Variants in LAMB4 observed in about 807,000 individuals in gnomAD.
LAMB4 encodes the protein laminin subunit beta 4.
In LAMB4, 196 loss-of-function variants were observed where a neutral mutation model predicts 199.2. The ratio of observed to expected loss-of-function variants is 0.98; its 90% CI spans 0.88 to 1.11. LAMB4 has a LOEUF of 1.11. Among genes scored for constraint, LAMB4 ranks in the 50% least tolerant of loss-of-function variants. The pLI, the probability that LAMB4 is intolerant of heterozygous loss-of-function variation, is 0.00. For synonymous variants in LAMB4, 744 were observed against 770.6 expected, an observed-to-expected ratio of 0.97 and a Z score of 0.57; for missense variants, 2,080 against 2,171.2, an observed-to-expected ratio of 0.96 and a Z score of 0.83.
intron 11 of LAMB4, among the ~76,000 whole-genome samples, chr7:108,097,593 G>C (rs2037658963): frequency 6.6e-6 from 1 of 152,206 alleles, no homozygotes; most frequent in Non-Finnish European, 1.5e-5. Context: ...AGACCATCTT[G>C]GCTAACACGG....
downstream of LAMB4, among the ~76,000 whole-genome samples, chr7:108,022,741 C>T: frequency 6.6e-6 from 1 of 152,068 alleles, no homozygotes; most frequent in East Asian, 1.9e-4. Context: ...CTGTAACAGC[C>T]TACATTTTAA....
At chr7:108,012,896 G>C in the LAMB4 span, among the ~76,000 whole-genome samples, 1 of 152,160 alleles carries the variant, frequency 6.6e-6, no homozygotes, top group Non-Finnish European at 1.5e-5. Context: ...TGCCAAGCCA[G>C]TGTTTATGGA....
intron 30 of LAMB4, among the ~76,000 whole-genome samples, chr7:108,036,817 A>G (rs1329521166): frequency 6.6e-6 from 1 of 151,276 alleles, no homozygotes; most frequent in Non-Finnish European, 1.5e-5. Flanking sequence ...GTACTCCTGG[A>G]GCTCTAGTGT....
intron 21 of LAMB4, among the ~76,000 whole-genome samples, chr7:108,065,009 G>A (rs1390284644): frequency 6.6e-5 from 10 of 151,288 alleles, no homozygotes; most frequent in Middle Eastern, 3.4e-3. Context: ...GGGCTCAAGC[G>A]ATCCTCTTGC....
chr7:108,059,613 G>T (rs1008572981), intron 23 of LAMB4, among the ~76,000 whole-genome samples: 56 of 152,192 alleles, frequency 3.7e-4, no homozygotes, highest in African/African-American at 1.4e-3. Context: ...CAGTAGAACA[G>T]ATAATGGGAC....
At chr7:108,104,374 A>G (rs1679425579) in intron 9 of LAMB4, 125 bp downstream of exon 9, 6 of 1,080,690 alleles carry the variant, frequency 5.6e-6, no homozygotes, top group East Asian at 2.5e-5. Context: ...ATATCACACT[A>G]TAGGAGCTGG....
intron 25 of LAMB4, 29 bp downstream of exon 25, chr7:108,055,603 G>T: frequency 6.3e-7 from 1 of 1,585,682 alleles, no homozygotes. Flanking sequence ...CAGGAGTTTG[G>T]CTGTCTGTTA....
chr7:108,029,886 G>A (rs943544492), intron 32 of LAMB4, among the ~76,000 whole-genome samples: 1 of 152,098 alleles, frequency 6.6e-6, no homozygotes, highest in Non-Finnish European at 1.5e-5. Flanking sequence ...TTAGGAGGCC[G>A]AGGCAGGCGG....
At chr7:108,109,593 A>G (rs914680843) in intron 4 of LAMB4, among the ~76,000 whole-genome samples, 17 of 152,222 alleles carry the variant, frequency 1.1e-4, no homozygotes, top group Non-Finnish European at 1.5e-5. Context: ...TTGACTACAC[A>G]TAAACATGAG....
chr7:108,030,337 C>A (rs2034986142), intron 32 of LAMB4, among the ~76,000 whole-genome samples: 1 of 152,150 alleles, frequency 6.6e-6, no homozygotes. Flanking sequence ...TTTCAGCAAC[C>A]TAAATTAATG....
chr7:108,088,490 T>C (rs753489106), intron 14 of LAMB4, among the ~76,000 whole-genome samples: 3 of 152,192 alleles, frequency 2.0e-5, no homozygotes, highest in Non-Finnish European at 2.9e-5. Flanking sequence ...AATGACAGTT[T>C]AAGTACCCAT....
downstream of LAMB4, among the ~76,000 whole-genome samples, chr7:108,019,788 C>T (rs2034651656): frequency 2.0e-5 from 3 of 152,158 alleles, no homozygotes; most frequent in Admixed American, 2.0e-4. Context: ...TCATGAGGCT[C>T]ATGTGTTCTT....
chr7:108,074,833 A>G (rs979059927), intron 17 of LAMB4, among the ~76,000 whole-genome samples: 2 of 152,194 alleles, frequency 1.3e-5, no homozygotes, highest in African/African-American at 4.8e-5. Flanking sequence ...TTCCTGGCCC[A>G]TATATACTCA....
At position 108,055,992 on chromosome 7, in the gene LAMB4, C is replaced by T; in HGVS notation, c.3395G>A (p.Arg1132Lys). The stretch of plus-strand genomic sequence containing the variant: ...ACAGATGGGCTTCTGGGTACCTGCC[C>T]TGTTACAATCACATGCTAAAAAGGA... The part of the protein sequence containing the change: ...PGRCIPCDCN[R>K]AGTQKPICDP... Residue 1132 changes from arginine (R) to lysine (K), a missense_variant, in exon 25 of 34, where the codon AGG becomes AAG. Arg to Lys is a conservative substitution (Grantham distance 26). Transcript: ENST00000388781. 1.2e-6 allele frequency: 2 copies of T among 1,607,240 alleles called. No individual in the cohort carries two copies. The highest frequency in any genetic ancestry group is 1.7e-6 in the Non-Finnish European group (2 of 1,175,918).
intron 1 of LAMB4, among the ~76,000 whole-genome samples, chr7:108,126,233 C>T (rs888609624): frequency 6.6e-6 from 1 of 152,104 alleles, no homozygotes; most frequent in South Asian, 2.1e-4. Context: ...AGAAATACAC[C>T]TACATAAAAT....
chr7:108,043,848 G>GT lies in LAMB4; in HGVS notation c.4374dup (p.Gln1459ThrfsTer14), dbSNP rs751779669. 4 of 1,608,368 alleles carry GT rather than the reference G, an allele frequency of 2.5e-6. No individual in the cohort carries two copies. In the South Asian group the frequency reaches 4.4e-5, roughly 18 times the overall value. On this transcript the variant is annotated frameshift_variant, in exon 29 of 34. Coordinates refer to ENST00000388781, the MANE Select transcript of LAMB4 (RefSeq NM_007356.3). LOFTEE classifies it high-confidence loss of function. ...ATATTTCCCAGTTTTTCCCTCAGCTGTAAGGCATTGTTTTTGGAGACTTCT... is the reference window on the plus strand; with the variant it reads ...ATATTTCCCAGTTTTTCCCTCAGCTGTTAAGGCATTGTTTTTGGAGACTTCT...
At position 108,116,142 on chromosome 7, in the gene LAMB4, T is replaced by C; in HGVS notation, c.54A>G (p.Lys18=). ...FLHLGWLSYS[K]AQDDCNRGAC... is the part of the protein sequence containing the mutation. ...CACCCCTGTTGCAGTCATCTTGAGC[T>C]TTTGAGTAACTGAGCCACCCTTGAA... Residue 18 remains lysine, a synonymous_variant, in exon 3 of 34, where the codon AAA becomes AAG. Transcript: ENST00000388781. The C allele has an allele frequency of 1.9e-6, 3 of 1,613,844 alleles. No individual in the cohort carries two copies. Among genetic ancestry groups the C allele is most frequent in the Non-Finnish European group, 2.5e-6 (3 of 1,179,834 alleles).
intron 14 of LAMB4, among the ~76,000 whole-genome samples, chr7:108,086,003 C>T (rs942112052): frequency 4.6e-5 from 7 of 152,154 alleles, no homozygotes; most frequent in Non-Finnish European, 1.0e-4. Flanking sequence ...TGCCAGATCC[C>T]CTTTACTGGG....
chr7:108,106,161 T>A, intron 7 of LAMB4, 130 bp from the exon 8 acceptor site: 1 of 757,982 alleles, frequency 1.3e-6, no homozygotes, highest in Non-Finnish European at 2.2e-6. Flanking sequence ...CTTGCGCCTG[T>A]AATCCCAGCA....
Sources: gnomAD v4.1 joint callset for allele counts (sites outside exome capture counted in the v4.1 genomes callset) on GRCh38, gnomAD v4.1.1 for gene constraint, MANE v1.5 for transcripts, NCBI Gene and HGNC (gene_info 2026-07-23, HGNC 2026-07-21) for gene names.